MAN2A1: variants seen among roughly 807,000 people sequenced by gnomAD.
MAN2A1 encodes mannosidase alpha class 2A member 1, also known as alpha-mannosidase 2.
MAN2A1 carries 76 observed loss-of-function variants against 142.6 expected under a neutral mutation model. That is an observed-to-expected ratio of 0.53 (90% CI 0.44 to 0.65). The LOEUF (loss-of-function observed/expected upper bound fraction) is 0.65, where lower values mean the gene tolerates loss of function less well. Ranked by LOEUF, MAN2A1 falls within the 30% of genes least tolerant of loss-of-function variation. The pLI is 0.00. For synonymous variants in MAN2A1, 559 were observed against 473.2 expected, an observed-to-expected ratio of 1.18 and a Z score of -2.35; for missense variants, 1,311 against 1,365.1, an observed-to-expected ratio of 0.96 and a Z score of 0.62.
chr5:109,804,050 C>T (rs368684203), intron 12 of MAN2A1: 1 of 382,976 alleles, frequency 2.6e-6, no homozygotes, highest in Non-Finnish European at 3.6e-6. Context: ...TAACATAAAG[C>T]TAATTATTAA....
At chr5:109,698,444 A>G (rs553483008) in intron 1 of MAN2A1, among the ~76,000 whole-genome samples, 1 of 152,356 alleles carries the variant, frequency 6.6e-6, no homozygotes, top group African/African-American at 2.4e-5. Flanking sequence ...AGATTTTAGT[A>G]TCATCTTTAA....
At chr5:109,845,223 G>C (rs1755316510) in intron 17 of MAN2A1, among the ~76,000 whole-genome samples, 1 of 152,114 alleles carries the variant, frequency 6.6e-6, no homozygotes, top group South Asian at 2.1e-4. Flanking sequence ...TGACCCAGAT[G>C]GGCTTTGGGG....
At chr5:109,702,019 A>C (rs1750997426) in intron 1 of MAN2A1, among the ~76,000 whole-genome samples, 1 of 152,194 alleles carries the variant, frequency 6.6e-6, no homozygotes, top group Admixed American at 6.5e-5. Context: ...AGAATGAATG[A>C]GCTCACTTGG....
intron 10 of MAN2A1, among the ~76,000 whole-genome samples, chr5:109,787,294 A>G (rs1377191285): frequency 6.6e-6 from 1 of 151,998 alleles, no homozygotes; most frequent in Non-Finnish European, 1.5e-5. Flanking sequence ...CAAACTATAT[A>G]GTGGCAGACA....
chr5:109,825,643 C>G (rs1170334734), intron 16 of MAN2A1, among the ~76,000 whole-genome samples: 2 of 152,080 alleles, frequency 1.3e-5, no homozygotes, highest in East Asian at 3.9e-4. Flanking sequence ...TCTGACTTGC[C>G]TATTTACTTA....
intron 7 of MAN2A1, 107 bp downstream of exon 7, chr5:109,770,648 T>G: frequency 1.0e-6 from 1 of 982,062 alleles, no homozygotes; most frequent in Non-Finnish European, 1.5e-6. Context: ...ACATTATCCT[T>G]GTTTGAAGTA....
intron 10 of MAN2A1, among the ~76,000 whole-genome samples, chr5:109,788,091 C>T (rs972561121): frequency 2.0e-5 from 3 of 151,494 alleles, no homozygotes; most frequent in African/African-American, 4.8e-5. Context: ...TCCAAAGTTG[C>T]TTTCTGTATT....
chr5:109,754,454 G>T (rs1434825959), intron 4 of MAN2A1, among the ~76,000 whole-genome samples: 1 of 152,088 alleles, frequency 6.6e-6, no homozygotes, highest in Non-Finnish European at 1.5e-5. Flanking sequence ...AACTGAATCT[G>T]GGGCAAAGTA....
chr5:109,703,534 C>G (rs1312100876), intron 1 of MAN2A1, among the ~76,000 whole-genome samples: 1 of 152,114 alleles, frequency 6.6e-6, no homozygotes, highest in Non-Finnish European at 1.5e-5. Context: ...TTGACAGATT[C>G]TGTCAGAGTG....
At chr5:109,839,064 G>T (rs1755129496) in intron 16 of MAN2A1, among the ~76,000 whole-genome samples, 1 of 152,030 alleles carries the variant, frequency 6.6e-6, no homozygotes, top group South Asian at 2.1e-4. Flanking sequence ...AATCTAGAGA[G>T]AAGAAAACAT....
chr5:109,743,082 T>C (rs548191059), intron 4 of MAN2A1, among the ~76,000 whole-genome samples: 4 of 152,274 alleles, frequency 2.6e-5, no homozygotes, highest in African/African-American at 9.6e-5. Context: ...ATCACTCCAT[T>C]CTCCTCGAAA....
At chr5:109,791,813 A>G (rs944447963) in intron 12 of MAN2A1, among the ~76,000 whole-genome samples, 2 of 152,086 alleles carry the variant, frequency 1.3e-5, no homozygotes, top group African/African-American at 4.8e-5. Flanking sequence ...GTGATAATGT[A>G]AAAAAGATTG....
Position 109,800,594 on chromosome 5 carries a change from G to C in MAN2A1, c.1943+11067G>C, listed in dbSNP as rs1326118733. Among the ~76,000 whole-genome samples the C allele has an allele frequency of 2.6e-5, 4 of 152,048 alleles. No homozygotes were observed. In the East Asian group the frequency reaches 7.7e-4, roughly 29 times the overall value. Reference sequence around the variant, plus strand: ...CTTAAATGTTTATCAGTAATGAATTGGTCAAATATTCTACATGTGTAAGTT... The same window carrying C: ...CTTAAATGTTTATCAGTAATGAATTCGTCAAATATTCTACATGTGTAAGTT... On this transcript the variant is annotated intron_variant, in intron 12 of 21. Coordinates refer to ENST00000261483, the MANE Select transcript of MAN2A1 (RefSeq NM_002372.4).
chr5:109,732,515 A>T (rs1222525003), intron 4 of MAN2A1, among the ~76,000 whole-genome samples: 3 of 152,130 alleles, frequency 2.0e-5, no homozygotes, highest in African/African-American at 7.2e-5. Context: ...TTAAGTCTTT[A>T]ATCCATCTTG....
intron 3 of MAN2A1, among the ~76,000 whole-genome samples, chr5:109,728,042 A>G (rs1047951843): frequency 1.3e-5 from 2 of 152,234 alleles, no homozygotes; most frequent in African/African-American, 4.8e-5. Context: ...AGAAAGTCCT[A>G]TAAAGACTAT....
chr5:109,781,957 T>G (rs966559649), intron 9 of MAN2A1, among the ~76,000 whole-genome samples: 17 of 152,188 alleles, frequency 1.1e-4, no homozygotes, highest in Non-Finnish European at 1.9e-4. Context: ...TCTGATAGGC[T>G]TCTCATTGGA....
chr5:109,859,347 T>C (rs2112777628), intron 20 of MAN2A1, among the ~76,000 whole-genome samples: 1 of 152,348 alleles, frequency 6.6e-6, no homozygotes, highest in South Asian at 2.1e-4. Context: ...TAGACAGACA[T>C]ATCTTGCTTT....
intron 2 of MAN2A1, 52 bp from the exon 3 acceptor site, chr5:109,716,065 CCAA>C: frequency 8.0e-7 from 1 of 1,246,732 alleles, no homozygotes; most frequent in Non-Finnish European, 1.1e-6. Context: ...CAAATATTTA[CCAA>C]CATTAAATTA....
At chr5:109,724,447 T>G (rs76385122) in intron 3 of MAN2A1, among the ~76,000 whole-genome samples, 8,179 of 152,198 alleles carry the variant, frequency 0.054, 223 homozygotes, top group Non-Finnish European at 0.064. Context: ...AAATAAATTA[T>G]TAGATGAAAG....
Sources: gnomAD v4.1 joint callset for allele counts (sites outside exome capture counted in the v4.1 genomes callset) on GRCh38, gnomAD v4.1.1 for gene constraint, MANE v1.5 for transcripts, NCBI Gene and HGNC (gene_info 2026-07-23, HGNC 2026-07-21) for gene names.